C7: variants seen among roughly 807,000 people sequenced by gnomAD.
C7 encodes complement component C7.
In C7, 83 loss-of-function variants were observed where a neutral mutation model predicts 104.8. That is an observed-to-expected ratio of 0.79 (90% CI 0.66 to 0.95). The LOEUF is 0.95. Ranked by LOEUF, C7 falls within the 40% of genes least tolerant of loss-of-function variation. C7 has a pLI of 0.00. For synonymous variants in C7, 415 were observed against 360.6 expected (o/e 1.15, Z -1.71); for missense variants, 1,070 against 1,011.2 (o/e 1.06, Z -0.79).
rs751264145 is a variant in C7, at chr5:40,958,087, C to T, written c.1315C>T (p.Leu439=). The change falls in exon 11 of 18, where the codon CTA becomes TTA. Residue 439 remains leucine (L), a synonymous_variant. Transcript: ENST00000313164. ...KEVPCASVKK[L]YLKWALEEYL... is the part of the protein sequence containing the mutation. ...AGTACCTTGTGCCTCTGTGAAAAAA[C>T]TATACCTGAAATGGGCTCTTGAAGA... 29 of 1,613,644 alleles carry T rather than the reference C, an allele frequency of 1.8e-5. No homozygotes were observed. The Admixed American group carries it at 4.8e-4, about 27-fold the overall frequency.
intron 14 of C7, among the ~76,000 whole-genome samples, chr5:40,970,898 G>C (rs1052816830): frequency 3.9e-5 from 6 of 152,102 alleles, no homozygotes; most frequent in African/African-American, 1.4e-4. Context: ...ATGGTTTCCA[G>C]CTTCATCCAT....
intron 6 of C7, among the ~76,000 whole-genome samples, chr5:40,940,188 A>G (rs958117021): frequency 1.3e-5 from 2 of 152,226 alleles, no homozygotes; most frequent in East Asian, 1.9e-4. Flanking sequence ...TAGTAAATAT[A>G]AAACAGAATC....
intron 14 of C7, among the ~76,000 whole-genome samples, chr5:40,967,142 T>G (rs1347750508): frequency 6.6e-6 from 1 of 151,420 alleles, no homozygotes; most frequent in Non-Finnish European, 1.5e-5. Context: ...CTTGCCTCAC[T>G]GCAACCTCCG....
intron 1 of C7, among the ~76,000 whole-genome samples, chr5:40,918,694 A>G (rs1219519318): frequency 6.6e-6 from 1 of 152,040 alleles, no homozygotes; most frequent in Non-Finnish European, 1.5e-5. Flanking sequence ...CTGTAAAAAA[A>G]AAAAGTAAGG....
intron 1 of C7, among the ~76,000 whole-genome samples, chr5:40,914,309 GT>G (rs376747040): frequency 5.6e-4 from 85 of 152,070 alleles, no homozygotes; most frequent in African/African-American, 2.0e-3. Flanking sequence ...TGTTTTTGTT[GT>G]TGTTGTTTTT....
At chr5:40,940,072 G>C (rs1318609675) in intron 6 of C7, among the ~76,000 whole-genome samples, 1 of 152,136 alleles carries the variant, frequency 6.6e-6, no homozygotes, top group East Asian at 1.9e-4. Flanking sequence ...ACGCGGAGGT[G>C]GTGAATGTCC....
At chr5:40,932,774 G>T (rs3792641) in intron 3 of C7, among the ~76,000 whole-genome samples, 27,348 of 151,722 alleles carry the variant, frequency 0.18, 2,678 homozygotes, top group East Asian at 0.32. Flanking sequence ...AGAGATAGAG[G>T]GTGTTTTTTA....
chr5:40,952,955 A>T (rs1405266137), intron 9 of C7, among the ~76,000 whole-genome samples: 1 of 152,038 alleles, frequency 6.6e-6, no homozygotes, highest in Non-Finnish European at 1.5e-5. Context: ...CATGACGCTT[A>T]CCTGGGGGAT....
chr5:40,943,685 A>G (rs921459398), intron 6 of C7, among the ~76,000 whole-genome samples: 2 of 149,446 alleles, frequency 1.3e-5, no homozygotes, highest in South Asian at 4.2e-4. Context: ...ATATACATAT[A>G]TGTGTGTGTG....
At chr5:40,969,335 A>T (rs1740639617) in intron 14 of C7, among the ~76,000 whole-genome samples, 3 of 152,026 alleles carry the variant, frequency 2.0e-5, no homozygotes, top group South Asian at 2.1e-4. Flanking sequence ...TATTAATTTC[A>T]GTTGTTTCAG....
intron 14 of C7, among the ~76,000 whole-genome samples, chr5:40,970,295 A>G (rs1740671257): frequency 1.3e-5 from 2 of 152,184 alleles, no homozygotes; most frequent in African/African-American, 2.4e-5. Flanking sequence ...TTTGTAGAAT[A>G]TTGTCCAAAG....
chr5:40,977,814 G>A (rs555263023), intron 16 of C7, among the ~76,000 whole-genome samples: 19 of 152,250 alleles, frequency 1.2e-4, no homozygotes, highest in Middle Eastern at 3.4e-3. Flanking sequence ...CCAGCCCCTA[G>A]ACTTAGTGGC....
At chr5:40,918,061 T>C (rs1340006622) in intron 1 of C7, among the ~76,000 whole-genome samples, 1 of 152,174 alleles carries the variant, frequency 6.6e-6, no homozygotes, top group African/African-American at 2.4e-5. Context: ...AAATCTTTAG[T>C]AGAAGCACAA....
intron 16 of C7, 75 bp downstream of exon 16, chr5:40,976,915 T>G: frequency 1.7e-6 from 2 of 1,154,692 alleles, no homozygotes; most frequent in South Asian, 1.5e-5. Flanking sequence ...TAATAGTGTC[T>G]GTTGGATGGA....
chr5:40,909,831 T>G (rs550323193), intron 1 of C7, among the ~76,000 whole-genome samples: 23 of 152,306 alleles, frequency 1.5e-4, no homozygotes, highest in Admixed American at 5.2e-4. Flanking sequence ...AGTGAATTCC[T>G]TTTTCTTATC....
chr5:40,960,139 C>T (rs1346113958), intron 12 of C7, among the ~76,000 whole-genome samples: 5 of 152,090 alleles, frequency 3.3e-5, no homozygotes, highest in Non-Finnish European at 7.4e-5. Flanking sequence ...TGGGTAAACC[C>T]AGTAGCCTGG....
intron 6 of C7, among the ~76,000 whole-genome samples, chr5:40,941,724 T>C (rs1380823864): frequency 6.6e-6 from 1 of 152,172 alleles, no homozygotes; most frequent in African/African-American, 2.4e-5. Context: ...GTTTCTGACT[T>C]GGACCAATGG....
rs376626957 is a variant in C7, at chr5:40,981,880, C to A, written c.*307C>A. The stretch of plus-strand genomic sequence containing the variant: ...TAAAATCTGTAAAATTAGAGGATTG[C>A]ACTAGAGAAACTTGAATGCTCCATT... On this transcript the variant is annotated 3_prime_UTR_variant, in exon 18 of 18. Transcript: ENST00000313164. 26 of 222,834 alleles carry A rather than the reference C, an allele frequency of 1.2e-4. No individual in the cohort carries two copies. Among genetic ancestry groups the A allele is most frequent in the African/African-American group, 5.9e-4 (26 of 43,984 alleles). 13.8% of individuals were successfully genotyped at this position (222,834 alleles called of 1,614,324 possible).
intron 14 of C7, among the ~76,000 whole-genome samples, chr5:40,971,263 T>G (rs1740692604): frequency 6.6e-6 from 1 of 152,258 alleles, no homozygotes; most frequent in Admixed American, 6.5e-5. Flanking sequence ...TCCAGACTTT[T>G]TAATGATCAC....
Sources: allele counts gnomAD v4.1 joint callset (sites outside exome capture counted in the v4.1 genomes callset), GRCh38; gene constraint gnomAD v4.1.1; transcripts MANE v1.5; gene names NCBI Gene and HGNC (gene_info 2026-07-23, HGNC 2026-07-21).